CNTNAP4: variants seen among roughly 807,000 people sequenced by gnomAD.
CNTNAP4 encodes the protein contactin-associated protein-like 4.
CNTNAP4 carries 98 observed loss-of-function variants against 148.4 expected under a neutral mutation model. That is an observed-to-expected ratio of 0.66 (90% CI 0.56 to 0.78). CNTNAP4 has a LOEUF of 0.78. CNTNAP4 is among the 30% of genes least tolerant of loss of function. The pLI, the probability that CNTNAP4 is intolerant of heterozygous loss-of-function variation, is 0.00. For missense variants in CNTNAP4, 1,935 were observed against 1,565.6 expected, an observed-to-expected ratio of 1.24 and a Z score of -3.98; for synonymous variants, 730 against 565.1, an observed-to-expected ratio of 1.29 and a Z score of -4.14.
chr16:76,408,742 A>G (rs532758781), intron 3 of CNTNAP4, among the ~76,000 whole-genome samples: 1 of 152,118 alleles, frequency 6.6e-6, no homozygotes, highest in African/African-American at 2.4e-5. Context: ...ACAGCATTTT[A>G]TTATTACTAT....
At chr16:76,530,535 G>A (rs8048453) in intron 17 of CNTNAP4, among the ~76,000 whole-genome samples, 22,088 of 152,132 alleles carry the variant, frequency 0.15, 1,647 homozygotes, top group Non-Finnish European at 0.17. Context: ...ATAGGCCTTA[G>A]CATGGTCAAA....
intron 4 of CNTNAP4, among the ~76,000 whole-genome samples, chr16:76,444,941 A>G (rs552131628): frequency 6.6e-6 from 1 of 152,018 alleles, no homozygotes; most frequent in African/African-American, 2.4e-5. Flanking sequence ...GTCTTTCTGT[A>G]CTTTGTTCCT....
In CNTNAP4 at chr16:76,470,739, A is replaced by T. The variant is rs187316383; in HGVS notation, c.1655+3216A>T. Among the ~76,000 whole-genome samples, 275 of 99,072 alleles carry T rather than the reference A, an allele frequency of 2.8e-3. 2 individuals carry two copies. In the East Asian group the frequency reaches 0.028, roughly 10 times the overall value. The allele number at this position is 99,072 out of a possible 152,430, so 65.0% of individuals were successfully genotyped here. A position where few individuals can be genotyped will look rare whatever the true frequency, so the allele number is the denominator to read the frequency against. On this transcript the variant is annotated intron_variant, in intron 10 of 23. Transcript: ENST00000611870. Reference sequence around the variant, plus strand: ...GGAACTTAAAATAATGCAGGTTTTTAAAAAAAAACTGTAATACTTTAAGTT... The same window carrying T: ...GGAACTTAAAATAATGCAGGTTTTTTAAAAAAAACTGTAATACTTTAAGTT...
At chr16:76,534,346 C>T (rs941394880) in intron 17 of CNTNAP4, among the ~76,000 whole-genome samples, 4 of 152,058 alleles carry the variant, frequency 2.6e-5, no homozygotes, top group Admixed American at 1.3e-4. Context: ...TTGGAAGAAA[C>T]GAAGTGAACA....
chr16:76,308,950 G>T (rs1960792502), intron 1 of CNTNAP4, among the ~76,000 whole-genome samples: 1 of 151,822 alleles, frequency 6.6e-6, no homozygotes, highest in Non-Finnish European at 1.5e-5. Flanking sequence ...TCAGCCGTCT[G>T]AGTAGCTAGG....
intron 3 of CNTNAP4, among the ~76,000 whole-genome samples, chr16:76,406,862 G>A (rs905340175): frequency 6.6e-6 from 1 of 152,156 alleles, no homozygotes; most frequent in Non-Finnish European, 1.5e-5. Context: ...TAACATAGAA[G>A]TACAAGGTGA....
At position 76,310,996 on chromosome 16, in the gene CNTNAP4, C is replaced by T. The variant is rs55883021; in HGVS notation, c.86-5417C>T. Among the ~76,000 whole-genome samples, 581 of 151,596 alleles carry T rather than the reference C, an allele frequency of 3.8e-3. 4 individuals carry two copies. Among genetic ancestry groups the T allele is most frequent in the African/African-American group, 0.013 (550 of 41,298 alleles). On this transcript the variant is annotated intron_variant, in intron 1 of 23. Transcript: ENST00000611870. ...TTGTGCTCTTTTTTCCTCAAGTGTC[C>T]CTAGAGTTAATAATATCAAATATAT...
At chr16:76,316,915 T>A (rs1047044969) in intron 2 of CNTNAP4, among the ~76,000 whole-genome samples, 7 of 152,168 alleles carry the variant, frequency 4.6e-5, no homozygotes, top group African/African-American at 1.7e-4. Flanking sequence ...TCAATGTGGT[T>A]GACATGATTT....
intron 3 of CNTNAP4, among the ~76,000 whole-genome samples, chr16:76,356,136 A>C (rs1292956548): frequency 1.3e-5 from 2 of 152,094 alleles, no homozygotes; most frequent in African/African-American, 4.8e-5. Context: ...CGGCGTCCCA[A>C]AGTGCTGGGA....
At chr16:76,458,936 CT>C (rs57953617) in intron 8 of CNTNAP4, among the ~76,000 whole-genome samples, 3,141 of 151,644 alleles carry the variant, frequency 0.021, 111 homozygotes, top group African/African-American at 0.072. Flanking sequence ...ACAGTTCCCC[CT>C]TTTTTTTTCT....
intron 2 of CNTNAP4, among the ~76,000 whole-genome samples, chr16:76,346,448 AAAAG>A (rs1394747106): frequency 2.0e-5 from 3 of 151,808 alleles, no homozygotes; most frequent in Non-Finnish European, 4.4e-5. Context: ...AAAAAAAAAA[AAAAG>A]AAGGTAGAGA....
chr16:76,390,341 G>C (rs905748290), intron 3 of CNTNAP4, among the ~76,000 whole-genome samples: 8 of 152,174 alleles, frequency 5.3e-5, no homozygotes, highest in African/African-American at 1.9e-4. Context: ...GAAGTCTTCA[G>C]TTCTTTTCTT....
At chr16:76,544,007 T>C (rs1334519939) in intron 21 of CNTNAP4, among the ~76,000 whole-genome samples, 1 of 152,214 alleles carries the variant, frequency 6.6e-6, no homozygotes, top group Non-Finnish European at 1.5e-5. Context: ...ACGTTACATC[T>C]GCCCTTACAG....
chr16:76,300,706 A>G (rs1478993690), intron 1 of CNTNAP4, among the ~76,000 whole-genome samples: 1 of 152,188 alleles, frequency 6.6e-6, no homozygotes, highest in African/African-American at 2.4e-5. Flanking sequence ...CGTGGTTGAG[A>G]TATAGCATGC....
intron 23 of CNTNAP4, chr16:76,558,029 C>G (rs375019956): frequency 1.3e-5 from 2 of 152,410 alleles, no homozygotes; most frequent in East Asian, 1.9e-4. Flanking sequence ...GATTTATTTA[C>G]ATAACCCATT....
chr16:76,533,422 C>G (rs144600703), intron 17 of CNTNAP4, among the ~76,000 whole-genome samples: 1 of 152,118 alleles, frequency 6.6e-6, no homozygotes, highest in Admixed American at 6.6e-5. Flanking sequence ...TTGTATGCCA[C>G]TGTAGAATGA....
In CNTNAP4 at chr16:76,559,238, G is replaced by C. The variant is rs1318419758; in HGVS notation, c.*555G>C. 1 of 152,116 alleles carries C rather than the reference G, an allele frequency of 6.6e-6. No individual in the cohort carries two copies. Among genetic ancestry groups the C allele is most frequent in the Non-Finnish European group, 1.5e-5 (1 of 67,972 alleles). The allele number at this position is 152,116 out of a possible 1,614,324, so 9.4% of individuals were successfully genotyped here. ...CAATACATCAATAGTCTTGAAAAAT[G>C]TTTTGCTGTCTTTGCTTTGTTTGTA... is the stretch of plus-strand genomic sequence containing the variant. On this transcript the variant is annotated 3_prime_UTR_variant, in exon 24 of 24. Transcript: ENST00000611870.
chr16:76,510,410 T>C (rs1256418938), intron 15 of CNTNAP4, among the ~76,000 whole-genome samples: 2 of 152,242 alleles, frequency 1.3e-5, no homozygotes, highest in Non-Finnish European at 2.9e-5. Flanking sequence ...TTCATGGACA[T>C]TTGGGCTGGA....
At chr16:76,477,039 C>T (rs542087192) in intron 11 of CNTNAP4, among the ~76,000 whole-genome samples, 47 of 152,140 alleles carry the variant, frequency 3.1e-4, no homozygotes, top group Non-Finnish European at 6.0e-4. Context: ...TTCTGATGCT[C>T]ACCCTAGTAG....
Sources: allele counts gnomAD v4.1 joint callset (sites outside exome capture counted in the v4.1 genomes callset), GRCh38; gene constraint gnomAD v4.1.1; transcripts MANE v1.5; gene names NCBI Gene and HGNC (gene_info 2026-07-23, HGNC 2026-07-21).